GLIS3: variants seen among roughly 807,000 people sequenced by gnomAD.
GLIS3 encodes the protein zinc finger protein GLIS3.
Under a neutral mutation model 78.6 loss-of-function variants are expected in GLIS3, and 53 were observed. That is an observed-to-expected ratio of 0.67 (90% confidence interval 0.54 to 0.85). The LOEUF (loss-of-function observed/expected upper bound fraction) is 0.85. GLIS3 is among the 40% of genes least tolerant of loss of function. The pLI, the probability that GLIS3 is intolerant of heterozygous loss-of-function variation, is 0.00. For synonymous variants in GLIS3, 684 were observed against 509.9 expected (o/e 1.34, Z -4.60); for missense variants, 1,703 against 1,231.1 (o/e 1.38, Z -5.74).
intron 4 of GLIS3, among the ~76,000 whole-genome samples, chr9:3,962,712 T>C (rs780270140): frequency 4.6e-5 from 7 of 152,122 alleles, no homozygotes; most frequent in Non-Finnish European, 1.0e-4. Context: ...AAGGGGGGAA[T>C]GTGAAGTCCA....
At chr9:4,021,405 G>A (rs1213086687) in intron 4 of GLIS3, among the ~76,000 whole-genome samples, 1 of 152,088 alleles carries the variant, frequency 6.6e-6, no homozygotes, top group East Asian at 1.9e-4. Context: ...GCTAACTAAT[G>A]TTTAGTTTAA....
At chr9:3,956,060 A>G (rs907859904) in intron 4 of GLIS3, among the ~76,000 whole-genome samples, 15 of 151,824 alleles carry the variant, frequency 9.9e-5, no homozygotes, top group Non-Finnish European at 1.5e-4. Context: ...AAAGAAAAAA[A>G]GAAAAGAATT....
At chr9:4,419,476 G>C in the GLIS3 span, among the ~76,000 whole-genome samples, 10 of 152,136 alleles carry the variant, frequency 6.6e-5, no homozygotes, top group Non-Finnish European at 1.3e-4. Flanking sequence ...AGAGGGAAGG[G>C]AGGTGCTACA....
At chr9:3,901,319 G>A (rs1217886844) in intron 6 of GLIS3, 1 of 154,406 alleles carries the variant, frequency 6.5e-6, no homozygotes, top group East Asian at 1.9e-4. Context: ...ACATTCAAAT[G>A]ATGTGCCAAA....
At chr9:4,408,619 C>A in the GLIS3 span, among the ~76,000 whole-genome samples, 1 of 141,466 alleles carries the variant, frequency 7.1e-6, no homozygotes, top group Non-Finnish European at 1.5e-5. Flanking sequence ...CCCAGGTACT[C>A]GGGAGGCTGA....
intron 2 of GLIS3, among the ~76,000 whole-genome samples, chr9:4,153,340 G>C (rs1317362129): frequency 6.6e-6 from 1 of 152,214 alleles, no homozygotes; most frequent in Non-Finnish European, 1.5e-5. Context: ...GAGGCGGGCA[G>C]ATCATTTGAG....
At position 3,893,432 on chromosome 9, in the gene GLIS3, CAG is replaced by C. The variant is rs1442794958; in HGVS notation, c.2128+5257_2128+5258del. Among the ~76,000 whole-genome samples the C allele has an allele frequency of 4.6e-5, 7 of 152,290 alleles. No individual in the cohort carries two copies. In the East Asian group the frequency reaches 1.3e-3, roughly 29 times the overall value. On this transcript the variant is annotated intron_variant, in intron 7 of 10. Coordinates refer to ENST00000381971, the MANE Select transcript of GLIS3 (RefSeq NM_001042413.2). ...GATGAGCCCTGTGCTGGCTGGGAAT[CAG>C]AGTCTTCATTTTCTTCAGCTGAGTG...
At chr9:4,068,083 C>T (rs1201282199) in intron 4 of GLIS3, among the ~76,000 whole-genome samples, 1 of 151,974 alleles carries the variant, frequency 6.6e-6, no homozygotes, top group African/African-American at 2.4e-5. Context: ...AAATAAGGAG[C>T]TTAGAAAATG....
intron 4 of GLIS3, among the ~76,000 whole-genome samples, chr9:4,012,767 T>TTTTTTTTTTTTTTTTTTTTTTTTTTTC (rs1822129332): frequency 8.1e-6 from 1 of 122,956 alleles, no homozygotes; most frequent in Admixed American, 7.7e-5. Flanking sequence ...TTCTTTTTCT[T>TTTTTTTTTTTTTTTTTTTTTTTTTTTC]TTTTTTTTTT....
chr9:4,297,872 C>T (rs1357971454), intron 1 of GLIS3, among the ~76,000 whole-genome samples: 1 of 152,110 alleles, frequency 6.6e-6, no homozygotes, highest in Non-Finnish European at 1.5e-5. Flanking sequence ...AGGAGGAGGG[C>T]GGCCCTTATC....
In GLIS3 at chr9:4,205,347, G is replaced by A. The variant is rs116484394; in HGVS notation, c.389-79406C>T. On this transcript the variant is annotated intron_variant, in intron 2 of 10. Coordinates refer to ENST00000381971, the MANE Select transcript of GLIS3 (RefSeq NM_001042413.2). ...ACAGCTCCAAGGCTAAGCCATGACT[G>A]GCTTCAGTCAATCCTCATATTCCAA... Among the ~76,000 whole-genome samples the A allele has an allele frequency of 9.4e-3, 1,435 of 152,268 alleles. 23 individuals carry two copies. The highest frequency in any genetic ancestry group is 0.033 in the African/African-American group (1,384 of 41,552).
At chr9:4,106,439 G>C (rs918881533) in intron 4 of GLIS3, among the ~76,000 whole-genome samples, 8 of 152,084 alleles carry the variant, frequency 5.3e-5, no homozygotes, top group African/African-American at 1.9e-4. Context: ...CCAGGGCTGT[G>C]GTATTGCATG....
intron 4 of GLIS3, among the ~76,000 whole-genome samples, chr9:4,046,259 G>A (rs1022347976): frequency 1.3e-5 from 2 of 152,180 alleles, no homozygotes; most frequent in Non-Finnish European, 2.9e-5. Context: ...GACCTGCCCA[G>A]TTGAACATTT....
At chr9:4,441,489 G>A in the GLIS3 span, among the ~76,000 whole-genome samples, 35 of 152,160 alleles carry the variant, frequency 2.3e-4, no homozygotes, top group Admixed American at 2.2e-3. Context: ...GATTCATCTT[G>A]ATCTCACTTG....
chr9:4,206,686 C>T (rs142610357), intron 2 of GLIS3, among the ~76,000 whole-genome samples: 220 of 152,288 alleles, frequency 1.4e-3, no homozygotes, highest in African/African-American at 5.1e-3. Context: ...GTGAACCATC[C>T]ATAAATGAAA....
At chr9:4,123,072 G>A (rs558219781) in intron 3 of GLIS3, among the ~76,000 whole-genome samples, 2 of 151,828 alleles carry the variant, frequency 1.3e-5, no homozygotes, top group Non-Finnish European at 2.9e-5. Context: ...TCCCCAAGAT[G>A]AGCACACCCA....
At chr9:4,264,438 T>A (rs898594143) in intron 2 of GLIS3, among the ~76,000 whole-genome samples, 1 of 152,226 alleles carries the variant, frequency 6.6e-6, no homozygotes, top group African/African-American at 2.4e-5. Flanking sequence ...GATGTCCTTT[T>A]TTAAAATGTA....
At chr9:4,049,839 A>G (rs1304722427) in intron 4 of GLIS3, among the ~76,000 whole-genome samples, 2 of 152,218 alleles carry the variant, frequency 1.3e-5, no homozygotes, top group African/African-American at 4.8e-5. Flanking sequence ...CAACAGACAC[A>G]TGAAAAAATG....
At chr9:4,254,051 T>C (rs1824671566) in intron 2 of GLIS3, among the ~76,000 whole-genome samples, 1 of 152,322 alleles carries the variant, frequency 6.6e-6, no homozygotes, top group East Asian at 1.9e-4. Flanking sequence ...TATTTGGCCA[T>C]CTTGCCAGCC....
Sources: gnomAD v4.1 joint callset for allele counts (sites outside exome capture counted in the v4.1 genomes callset) on GRCh38, gnomAD v4.1.1 for gene constraint, MANE v1.5 for transcripts, NCBI Gene and HGNC (gene_info 2026-07-23, HGNC 2026-07-21) for gene names.